Variants in GRM5 observed in about 807,000 individuals in gnomAD.
GRM5 encodes the protein metabotropic glutamate receptor 5.
A neutral mutation model predicts 83.1 loss-of-function variants in GRM5; 19 were observed. That is an observed-to-expected ratio of 0.23 (90% confidence interval 0.16 to 0.34). The LOEUF is 0.34. Among genes scored for constraint, GRM5 ranks in the 10% least tolerant of loss-of-function variants. The pLI is 1.00. For synonymous variants in GRM5, 675 were observed against 633.6 expected (o/e 1.07, Z -0.98); for missense variants, 1,160 against 1,588.3 (o/e 0.73, Z 4.58).
At chr11:88,928,479 T>TATTTAC (rs1440562427) in intron 2 of GRM5, among the ~76,000 whole-genome samples, 1 of 11,388 alleles carries the variant, frequency 8.8e-5, no homozygotes, top group African/African-American at 1.4e-4. Flanking sequence ...TATATATATA[T>TATTTAC]ATATGTATAT....
intron 2 of GRM5, among the ~76,000 whole-genome samples, chr11:88,854,427 T>G (rs1944437204): frequency 6.6e-6 from 1 of 151,976 alleles, no homozygotes; most frequent in South Asian, 2.1e-4. Flanking sequence ...AGTTTTTTCC[T>G]CAGATCGTAA....
chr11:88,772,418 T>G (rs1942757493), intron 3 of GRM5, among the ~76,000 whole-genome samples: 2 of 152,078 alleles, frequency 1.3e-5, no homozygotes, highest in South Asian at 4.2e-4. Context: ...TTTATTTTTT[T>G]TTTACTATCT....
intron 4 of GRM5, among the ~76,000 whole-genome samples, chr11:88,610,734 G>A (rs61901991): frequency 0.12 from 18,036 of 152,148 alleles, 1,421 homozygotes; most frequent in Non-Finnish European, 0.18. Context: ...TGATTGCTCT[G>A]GCTAGGACTT....
chr11:88,850,731 G>C (rs557480517), intron 2 of GRM5, among the ~76,000 whole-genome samples: 91 of 151,816 alleles, frequency 6.0e-4, no homozygotes, highest in African/African-American at 2.1e-3. Context: ...ATTTAGTCTT[G>C]TCGCAGGTGA....
At chr11:88,738,243 G>GAAAC (rs1368720927) in intron 3 of GRM5, among the ~76,000 whole-genome samples, 1 of 151,910 alleles carries the variant, frequency 6.6e-6, no homozygotes, top group African/African-American at 2.4e-5. Flanking sequence ...GGTAACTTAA[G>GAAAC]AAACACATTT....
chr11:88,716,040 T>G (rs142634612), intron 3 of GRM5, among the ~76,000 whole-genome samples: 359 of 152,044 alleles, frequency 2.4e-3, no homozygotes, highest in African/African-American at 8.4e-3. Context: ...TTACAGAACT[T>G]TCTCACAAAA....
intron 9 of GRM5, among the ~76,000 whole-genome samples, chr11:88,518,967 A>G (rs1229125773): frequency 4.0e-5 from 6 of 149,294 alleles, no homozygotes; most frequent in Admixed American, 3.4e-4. Flanking sequence ...TGAACCATAC[A>G]TTTTTGTTTT....
rs536336496 is a variant in GRM5, at chr11:88,912,487, T to G, written c.662-62332A>C. Among the ~76,000 whole-genome samples, 8 of 148,372 alleles carry G rather than the reference T, an allele frequency of 5.4e-5. No individual in the cohort carries two copies. In the South Asian group the frequency reaches 8.6e-4, roughly 16 times the overall value. ...TCTCTTTCTCTGCATTGTCACACTT[T>G]TGCCATGGAGATCATTATATACTGT... is the stretch of plus-strand genomic sequence containing the variant. On this transcript the variant is annotated intron_variant, in intron 2 of 9. Coordinates refer to ENST00000305447, the MANE Select transcript of GRM5 (RefSeq NM_001143831.3).
intron 3 of GRM5, among the ~76,000 whole-genome samples, chr11:88,698,672 C>G (rs774149863): frequency 6.6e-6 from 1 of 152,050 alleles, no homozygotes. Context: ...CCCTGTGTGG[C>G]AATATGTTTT....
chr11:88,985,648 T>C (rs1030200127), intron 2 of GRM5, among the ~76,000 whole-genome samples: 17 of 152,196 alleles, frequency 1.1e-4, no homozygotes, highest in Admixed American at 7.9e-4. Context: ...TTTTCAAACA[T>C]GGCCAAGGAT....
intron 2 of GRM5, among the ~76,000 whole-genome samples, chr11:89,045,454 T>C (rs377046752): frequency 6.6e-6 from 1 of 152,286 alleles, no homozygotes; most frequent in South Asian, 2.1e-4. Flanking sequence ...TAAAATGTTA[T>C]ATATACAGAA....
At chr11:88,822,898 C>T (rs540741961) in intron 3 of GRM5, among the ~76,000 whole-genome samples, 182 of 151,740 alleles carry the variant, frequency 1.2e-3, no homozygotes, top group Admixed American at 1.9e-3. Flanking sequence ...GTGACTAAAA[C>T]GCAGCTCAAT....
At chr11:88,705,612 G>T (rs201581069) in intron 3 of GRM5, among the ~76,000 whole-genome samples, 8 of 148,678 alleles carry the variant, frequency 5.4e-5, no homozygotes, top group Admixed American at 3.4e-4. Context: ...TTTTTTGTTT[G>T]TTTTTTTTTC....
chr11:88,555,961 C>T (rs1942616851), intron 8 of GRM5, among the ~76,000 whole-genome samples: 1 of 152,084 alleles, frequency 6.6e-6, no homozygotes, highest in African/African-American at 2.4e-5. Flanking sequence ...AAATGCACTG[C>T]CAAACCACAA....
intron 9 of GRM5, 128 bp downstream of exon 9, chr11:88,525,181 A>G (rs1404454844): frequency 1.5e-6 from 1 of 662,990 alleles, no homozygotes; most frequent in Non-Finnish European, 2.7e-6. Context: ...GAAAACCAGT[A>G]GTAGCCTGGG....
intron 7 of GRM5, among the ~76,000 whole-genome samples, chr11:88,585,818 A>C (rs1480944030): frequency 1.3e-5 from 2 of 152,152 alleles, no homozygotes; most frequent in Non-Finnish European, 2.9e-5. Flanking sequence ...TACTGCTAGC[A>C]TAGGTACCTG....
intron 2 of GRM5, among the ~76,000 whole-genome samples, chr11:88,927,295 G>A (rs950691413): frequency 2.0e-5 from 3 of 152,084 alleles, no homozygotes; most frequent in African/African-American, 7.2e-5. Context: ...CCTTTGGAAT[G>A]TCTGGCAGAA....
intron 3 of GRM5, among the ~76,000 whole-genome samples, chr11:88,835,848 G>C (rs1179126395): frequency 3.9e-5 from 6 of 152,162 alleles, no homozygotes; most frequent in Admixed American, 3.9e-4. Context: ...TGAGGAGGTA[G>C]TTCAAATGCA....
intron 3 of GRM5, among the ~76,000 whole-genome samples, chr11:88,804,255 T>C (rs1355017884): frequency 4.2e-5 from 6 of 144,202 alleles, no homozygotes; most frequent in Non-Finnish European, 7.5e-5. Context: ...ATTGTGGCAT[T>C]ATTCACAATA....
Sources: gnomAD v4.1 joint callset for allele counts (sites outside exome capture counted in the v4.1 genomes callset) on GRCh38, gnomAD v4.1.1 for gene constraint, MANE v1.5 for transcripts, NCBI Gene and HGNC (gene_info 2026-07-23, HGNC 2026-07-21) for gene names.